GRM7: variants seen among roughly 807,000 people sequenced by gnomAD.
The protein encoded by GRM7 is glutamate metabotropic receptor 7.
Under a neutral mutation model 84.5 loss-of-function variants are expected in GRM7, and 35 were observed. The observed-to-expected ratio is 0.41, with a 90% CI of 0.32 to 0.55. The LOEUF is 0.55. Ranked by LOEUF, GRM7 falls within the 20% of genes least tolerant of loss-of-function variation. The pLI, the probability that GRM7 is intolerant of heterozygous loss-of-function variation, is 0.19. For synonymous variants in GRM7, 487 were observed against 455.1 expected (o/e 1.07, Z -0.89); for missense variants, 1,003 against 1,194.6 (o/e 0.84, Z 2.36).
chr3:7,569,015 G>A (rs558481817), intron 7 of GRM7, among the ~76,000 whole-genome samples: 282 of 152,308 alleles, frequency 1.9e-3, no homozygotes, highest in African/African-American at 6.3e-3. Context: ...CTCCACCTGC[G>A]CCCCTGTGTG....
At position 7,004,070 on chromosome 3, in the gene GRM7, A is replaced by C. The variant is rs529992400; in HGVS notation, c.519+142163A>C. ...CATAATGGCTGCTGGCTTCCCCCAG[A>C]ATAAGTGATCCCAAAGGGCTCAGAA... On this transcript the variant is annotated intron_variant, in intron 1 of 9. Transcript: ENST00000357716. Among the ~76,000 whole-genome samples, 155 of 152,268 alleles carry C rather than the reference A, an allele frequency of 1.0e-3. 1 individual carries two copies. Among genetic ancestry groups the C allele is most frequent in the African/African-American group, 3.7e-3 (152 of 41,560 alleles).
intron 1 of GRM7, among the ~76,000 whole-genome samples, chr3:7,094,708 T>C (rs1288096783): frequency 6.6e-6 from 1 of 152,172 alleles, no homozygotes; most frequent in Non-Finnish European, 1.5e-5. Flanking sequence ...GTTCTGTAAC[T>C]TGGGGAAAAG....
At chr3:6,892,517 T>C (rs34161662) in intron 1 of GRM7, 11,196 of 152,200 alleles carry the variant, frequency 0.074, 558 homozygotes, top group Non-Finnish European at 0.11. Flanking sequence ...ATAAGCACTT[T>C]CTTGATATCC....
At chr3:7,069,249 A>G (rs1197914837) in intron 1 of GRM7, among the ~76,000 whole-genome samples, 1 of 151,954 alleles carries the variant, frequency 6.6e-6, no homozygotes, top group Non-Finnish European at 1.5e-5. Flanking sequence ...GCTAGGCTGA[A>G]GGAGTAAGTG....
rs948004383 is a variant in GRM7, at chr3:7,673,444, C to G, written c.2452-6605C>G. 4.0e-5 allele frequency among the ~76,000 whole-genome samples: 6 copies of G among 151,490 alleles called. No homozygotes were observed. The East Asian group carries it at 1.2e-3, about 29-fold the overall frequency. Reference sequence around the variant, plus strand: ...AGGTCACCTTGCCATTCAAAAGTTTCCCATGAAAAAACACAGGACTTACAG... The same window carrying G: ...AGGTCACCTTGCCATTCAAAAGTTTGCCATGAAAAAACACAGGACTTACAG... On this transcript the variant is annotated intron_variant, in intron 8 of 9. Coordinates refer to ENST00000357716, the MANE Select transcript of GRM7 (RefSeq NM_000844.4).
At chr3:6,997,037 A>G (rs1694850224) in intron 1 of GRM7, among the ~76,000 whole-genome samples, 1 of 152,158 alleles carries the variant, frequency 6.6e-6, no homozygotes, top group African/African-American at 2.4e-5. Flanking sequence ...AGCAAGAAAA[A>G]TGTTAGTAAT....
intron 1 of GRM7, among the ~76,000 whole-genome samples, chr3:7,111,248 A>G (rs888837222): frequency 6.6e-6 from 1 of 152,110 alleles, no homozygotes; most frequent in Non-Finnish European, 1.5e-5. Flanking sequence ...AAGCAGGATG[A>G]CACATGGCCT....
intron 7 of GRM7, among the ~76,000 whole-genome samples, chr3:7,537,837 T>C (rs1474555671): frequency 1.3e-5 from 2 of 152,202 alleles, no homozygotes; most frequent in African/African-American, 2.4e-5. Flanking sequence ...TTTTGACTAA[T>C]AGGCCCACTA....
chr3:7,278,464 C>G (rs1699148606), intron 2 of GRM7, among the ~76,000 whole-genome samples: 1 of 152,060 alleles, frequency 6.6e-6, no homozygotes. Context: ...TTTATTAATT[C>G]ATGTTCTTAT....
At chr3:7,684,443 T>C (rs1045434132) in intron 9 of GRM7, among the ~76,000 whole-genome samples, 1 of 152,140 alleles carries the variant, frequency 6.6e-6, no homozygotes, top group Non-Finnish European at 1.5e-5. Flanking sequence ...TCTAAACACT[T>C]AGTCTCAATG....
At chr3:7,079,523 T>G (rs896559020) in intron 1 of GRM7, among the ~76,000 whole-genome samples, 5 of 151,576 alleles carry the variant, frequency 3.3e-5, no homozygotes, top group Admixed American at 2.6e-4. Context: ...TCTTTTTTTT[T>G]ATTTAAAAAT....
intron 4 of GRM7, among the ~76,000 whole-genome samples, chr3:7,400,295 T>C (rs1015555702): frequency 5.9e-5 from 9 of 152,162 alleles, no homozygotes; most frequent in South Asian, 2.1e-4. Flanking sequence ...TATAGCAATG[T>C]CACTCAACAA....
chr3:7,195,965 A>G (rs1695864850), intron 2 of GRM7, among the ~76,000 whole-genome samples: 1 of 152,186 alleles, frequency 6.6e-6, no homozygotes, highest in African/African-American at 2.4e-5. Context: ...ATAAATATAC[A>G]GGTATACTTG....
intron 1 of GRM7, among the ~76,000 whole-genome samples, chr3:7,043,028 C>A (rs1358475969): frequency 6.6e-6 from 1 of 152,204 alleles, no homozygotes; most frequent in African/African-American, 2.4e-5. Flanking sequence ...TTTTGCTCCA[C>A]TTCTGAGGAA....
intron 1 of GRM7, among the ~76,000 whole-genome samples, chr3:7,093,463 A>G (rs1030530752): frequency 1.3e-5 from 2 of 151,704 alleles, no homozygotes; most frequent in African/African-American, 2.4e-5. Flanking sequence ...GTGGATCACG[A>G]GGTCAGGAGT....
chr3:7,550,603 G>T (rs1693420225), intron 7 of GRM7, among the ~76,000 whole-genome samples: 1 of 146,580 alleles, frequency 6.8e-6, no homozygotes, highest in Non-Finnish European at 1.5e-5. Context: ...GTGTGTGTGT[G>T]TGTGTGTGTG....
At chr3:7,034,960 A>T (rs940620122) in intron 1 of GRM7, among the ~76,000 whole-genome samples, 2 of 152,188 alleles carry the variant, frequency 1.3e-5, no homozygotes, top group African/African-American at 4.8e-5. Flanking sequence ...GGCCTGGATG[A>T]GTCAGGCTTG....
chr3:7,699,713 T>C (rs1701157420), intron 9 of GRM7, among the ~76,000 whole-genome samples: 1 of 152,194 alleles, frequency 6.6e-6, no homozygotes, highest in Non-Finnish European at 1.5e-5. Context: ...GCCCTCTTTA[T>C]AAGACTGCTA....
chr3:7,722,337 T>A (rs1366057270), intron 9 of GRM7, among the ~76,000 whole-genome samples: 1 of 152,176 alleles, frequency 6.6e-6, no homozygotes, highest in African/African-American at 2.4e-5. Context: ...CTTAGAGTTG[T>A]TATACTATAG....
Sources: gnomAD v4.1 joint callset for allele counts (sites outside exome capture counted in the v4.1 genomes callset) on GRCh38, gnomAD v4.1.1 for gene constraint, MANE v1.5 for transcripts, NCBI Gene and HGNC (gene_info 2026-07-23, HGNC 2026-07-21) for gene names.